Variants in KCNQ1OT1 observed in about 807,000 individuals in gnomAD.
KCNQ1OT1 encodes KCNQ1 opposite strand/antisense transcript 1.
Position 2,673,066 on chromosome 11 carries a change from C to G in KCNQ1OT1, n.26929G>C. 2.5e-6 allele frequency: 1 copy of G among 398,826 alleles called. No individual in the cohort carries two copies. The highest frequency in any genetic ancestry group is 4.4e-6 in the Non-Finnish European group (1 of 226,204). The allele number at this position is 398,826 out of a possible 1,614,324, so 24.7% of individuals were successfully genotyped here. ...TGGCCAAAAGGGACAGTGAAGTTGG[C>G]TTCTCAGGCCACAGTAGGCCTTCAC... On this transcript the variant is annotated non_coding_transcript_exon_variant, in exon 1 of 1. Coordinates refer to ENST00000597346, the Ensembl canonical transcript of KCNQ1OT1. This position sits in a 1 kb window ranked among gnomAD's most constrained non-coding sequence, Gnocchi z 4.5.
rs1849909324 is a variant in KCNQ1OT1 at position 2,659,313 on chromosome 11, G to A, written n.40682C>T. The A allele has an allele frequency of 5.0e-6, 2 of 398,552 alleles. No individual in the cohort carries two copies. Among genetic ancestry groups the A allele is most frequent in the South Asian group, 2.5e-4 (2 of 7,860 alleles). 24.7% of individuals were successfully genotyped at this position (398,552 alleles called of 1,614,324 possible). Reference sequence around the variant, plus strand: ...TATTGATCTGTTTTATGTCCCTGTAGTTTTGTTTTTCTAGAATGTCCTATA... The same window carrying A: ...TATTGATCTGTTTTATGTCCCTGTAATTTTGTTTTTCTAGAATGTCCTATA... On this transcript the variant is annotated non_coding_transcript_exon_variant, in exon 1 of 1. Transcript: ENST00000597346. This position sits in a 1 kb window ranked among gnomAD's most constrained non-coding sequence, Gnocchi z 4.3.
At chr11:2,650,009 G>C in exon 1 of KCNQ1OT1, 1 of 398,158 alleles carries the variant, frequency 2.5e-6, no homozygotes, top group Non-Finnish European at 4.4e-6. Flanking sequence ...AAATCTGTCT[G>C]GTTTATTGCA....
rs1590024180 is a variant in KCNQ1OT1, at chr11:2,674,874, C to T, written n.25121G>A. ...AAAAAAAAAAAAGCTCACTGGGCAC[C>T]TTGGCTGCAGGGTCTGAAAAGTCCT... On this transcript the variant is annotated non_coding_transcript_exon_variant, in exon 1 of 1. Transcript: ENST00000597346. This position sits in a 1 kb window ranked among gnomAD's most constrained non-coding sequence, Gnocchi z 5.9. 1.0e-5 allele frequency: 4 copies of T among 396,496 alleles called. No homozygotes were observed. The highest frequency in any genetic ancestry group is 1.3e-4 in the South Asian group (1 of 7,754). 24.6% of individuals were successfully genotyped at this position (396,496 alleles called of 1,614,324 possible).
exon 1 of KCNQ1OT1, chr11:2,648,981 C>CTTTTTTTTTTTTTT: frequency 6.3e-4 from 198 of 313,656 alleles, no homozygotes; most frequent in Middle Eastern, 2.2e-3. Flanking sequence ...TTTTCTTTTT[C>CTTTTTTTTTTTTTT]TTTTTTTTTT....
rs189157939 is a variant in KCNQ1OT1, at chr11:2,627,465, C to T, written n.72530G>A. The T allele has an allele frequency of 4.0e-5, 16 of 398,494 alleles. No individual in the cohort carries two copies. The East Asian group carries it at 5.3e-4, about 13-fold the overall frequency. 24.7% of individuals were successfully genotyped at this position (398,494 alleles called of 1,614,324 possible). A position where few individuals can be genotyped will look rare whatever the true frequency, so the allele number is the denominator to read the frequency against. ...TCAACATTTCCTATTTCCCCTACTC[C>T]CTGACCCCTAGTAACCACCCTTCTA... is the stretch of plus-strand genomic sequence containing the variant. On this transcript the variant is annotated non_coding_transcript_exon_variant, in exon 1 of 1. Transcript: ENST00000597346. The surrounding 1 kb of genome is among the most constrained non-coding windows in gnomAD (Gnocchi z 4.9).
At chr11:2,666,350 C>G (rs1850067067) in exon 1 of KCNQ1OT1, 1 of 398,638 alleles carries the variant, frequency 2.5e-6, no homozygotes. Context: ...CCCTGGCAAG[C>G]ATGTGCTTGC....
rs1266101114 is a variant in KCNQ1OT1, at chr11:2,626,983, A to G, written n.73012T>C. ...TAACATCATTAGGATTTTTATTGGG[A>G]TTACCTTGGATTTGTAGATTGTTTT... On this transcript the variant is annotated non_coding_transcript_exon_variant, in exon 1 of 1. Coordinates refer to ENST00000597346, the Ensembl canonical transcript of KCNQ1OT1. The surrounding 1 kb of genome is among the most constrained non-coding windows in gnomAD (Gnocchi z 4.0). 6 of 398,380 alleles carry G rather than the reference A, an allele frequency of 1.5e-5. No individual in the cohort carries two copies. Among genetic ancestry groups the G allele is most frequent in the Non-Finnish European group, 2.7e-5 (6 of 226,034 alleles). The allele number at this position is 398,380 out of a possible 1,614,324, so 24.7% of individuals were successfully genotyped here.
Position 2,652,272 on chromosome 11 carries a change from G to A in KCNQ1OT1, n.47723C>T. The stretch of plus-strand genomic sequence containing the variant: ...CCCATTAAACATTCTGAGAACATCT[G>A]CACCGGTTTCCAAGGCTTCTCCCTC... On this transcript the variant is annotated non_coding_transcript_exon_variant, in exon 1 of 1. Transcript: ENST00000597346. This position sits in a 1 kb window ranked among gnomAD's most constrained non-coding sequence, Gnocchi z 5.9. 2.5e-6 allele frequency: 1 copy of A among 398,640 alleles called. No homozygotes were observed. The highest frequency in any genetic ancestry group is 4.4e-6 in the Non-Finnish European group (1 of 226,074). The allele number at this position is 398,640 out of a possible 1,614,324, so 24.7% of individuals were successfully genotyped here. A position where few individuals can be genotyped will look rare whatever the true frequency, so the allele number is the denominator to read the frequency against.
exon 1 of KCNQ1OT1, chr11:2,685,085 T>TC: frequency 5.0e-6 from 2 of 398,660 alleles, no homozygotes; most frequent in Admixed American, 8.8e-5. Flanking sequence ...AATTACAGAT[T>TC]CCAGGGAAGG....
exon 1 of KCNQ1OT1, chr11:2,640,414 T>C (rs1341106851): frequency 1.3e-5 from 5 of 398,516 alleles, no homozygotes; most frequent in African/African-American, 8.2e-5. Flanking sequence ...ACCCCTCAAG[T>C]AGCTGGGACT....
exon 1 of KCNQ1OT1, chr11:2,697,199 T>TTCTAAGA (rs1850691776): frequency 2.5e-6 from 1 of 398,528 alleles, no homozygotes; most frequent in South Asian, 1.3e-4. Context: ...TAGTTTTAAC[T>TTCTAAGA]TCTAAGATGG....
rs928088155 is a variant in KCNQ1OT1 at position 2,616,518 on chromosome 11, A to G, written n.83477T>C. ...ATCCTTCTTCTTTTTCAGTGTGGGC[A>G]TTCACAGCTATAATTTTTCCTCTGA... is the stretch of plus-strand genomic sequence containing the variant. On this transcript the variant is annotated non_coding_transcript_exon_variant, in exon 1 of 1. Transcript: ENST00000597346. The G allele has an allele frequency of 1.2e-4, 46 of 397,822 alleles. No homozygotes were observed. The Admixed American group carries it at 2.0e-3, about 17-fold the overall frequency. The allele number at this position is 397,822 out of a possible 1,614,324, so 24.6% of individuals were successfully genotyped here.
chr11:2,697,816 T>C (rs939246068), exon 1 of KCNQ1OT1: 3 of 398,542 alleles, frequency 7.5e-6, no homozygotes, highest in African/African-American at 6.2e-5. Flanking sequence ...AGGGAAATTC[T>C]TTATAGTTTT....
rs922572423 is a variant in KCNQ1OT1, at chr11:2,690,627, G to A, written n.9368C>T. 1 of 398,564 alleles carries A rather than the reference G, an allele frequency of 2.5e-6. No individual in the cohort carries two copies. Among genetic ancestry groups the A allele is most frequent in the Non-Finnish European group, 4.4e-6 (1 of 226,094 alleles). 24.7% of individuals were successfully genotyped at this position (398,564 alleles called of 1,614,324 possible). A position where few individuals can be genotyped will look rare whatever the true frequency, so the allele number is the denominator to read the frequency against. On this transcript the variant is annotated non_coding_transcript_exon_variant, in exon 1 of 1. Coordinates refer to ENST00000597346, the Ensembl canonical transcript of KCNQ1OT1. The surrounding 1 kb of genome is among the most constrained non-coding windows in gnomAD (Gnocchi z 5.1). Reference sequence around the variant, plus strand: ...CACACATATGTGCATGTTCATATATGTGTCAGAATGCGTATTTGTCAGTGT... The same window carrying A: ...CACACATATGTGCATGTTCATATATATGTCAGAATGCGTATTTGTCAGTGT...
rs1210061499 is a variant in KCNQ1OT1, at chr11:2,624,226, G to A, written n.75769C>T. 1 of 398,432 alleles carries A rather than the reference G, an allele frequency of 2.5e-6. No individual in the cohort carries two copies. Among genetic ancestry groups the A allele is most frequent in the Non-Finnish European group, 4.4e-6 (1 of 226,048 alleles). The allele number at this position is 398,432 out of a possible 1,614,324, so 24.7% of individuals were successfully genotyped here. A position where few individuals can be genotyped will look rare whatever the true frequency, so the allele number is the denominator to read the frequency against. On this transcript the variant is annotated non_coding_transcript_exon_variant, in exon 1 of 1. Transcript: ENST00000597346. This position sits in a 1 kb window ranked among gnomAD's most constrained non-coding sequence, Gnocchi z 4.9. ...GCCATCTGTATATCTTCATTGGTGA[G>A]ATGTCTGTTAAGGTCTTCAGTCCAT...
chr11:2,681,266 T>G, exon 1 of KCNQ1OT1: 1 of 398,542 alleles, frequency 2.5e-6, no homozygotes, highest in East Asian at 3.6e-5. Context: ...AGGAGAGAGC[T>G]TCACTTTCTC....
exon 1 of KCNQ1OT1, chr11:2,633,495 G>A (rs1849398437): frequency 5.0e-6 from 2 of 398,360 alleles, no homozygotes; most frequent in Non-Finnish European, 8.8e-6. Context: ...AGTACTGTTT[G>A]CTTCAGGTCT....
Position 2,627,147 on chromosome 11 carries a change from T to C in KCNQ1OT1, n.72848A>G, listed in dbSNP as rs1367178376. Reference sequence around the variant, plus strand: ...CAAGACTTTCACCTCCTTGGTAAAGTTGGTTCCTAAGTTTGTTATTCTTGA... The same window carrying C: ...CAAGACTTTCACCTCCTTGGTAAAGCTGGTTCCTAAGTTTGTTATTCTTGA... On this transcript the variant is annotated non_coding_transcript_exon_variant, in exon 1 of 1. Transcript: ENST00000597346. This position sits in a 1 kb window ranked among gnomAD's most constrained non-coding sequence, Gnocchi z 4.9. 2 of 398,442 alleles carry C rather than the reference T, an allele frequency of 5.0e-6. No individual in the cohort carries two copies. The highest frequency in any genetic ancestry group is 4.1e-5 in the African/African-American group (2 of 48,632). The allele number at this position is 398,442 out of a possible 1,614,324, so 24.7% of individuals were successfully genotyped here.
At position 2,677,347 on chromosome 11, in the gene KCNQ1OT1, G is replaced by A. The variant is rs1347299413; in HGVS notation, n.22648C>T. 2.5e-6 allele frequency: 1 copy of A among 398,444 alleles called. No homozygotes were observed. Among genetic ancestry groups the A allele is most frequent in the African/African-American group, 2.1e-5 (1 of 48,610 alleles). The allele number at this position is 398,444 out of a possible 1,614,324, so 24.7% of individuals were successfully genotyped here. On this transcript the variant is annotated non_coding_transcript_exon_variant, in exon 1 of 1. Coordinates refer to ENST00000597346, the Ensembl canonical transcript of KCNQ1OT1. This position sits in a 1 kb window ranked among gnomAD's most constrained non-coding sequence, Gnocchi z 4.5. ...CAAATGATTTCTCAAATAGAGACTG[G>A]GCAGAGTAGACCAGTTAGTTAATCA...
Sources: gnomAD v4.1 joint callset for allele counts on GRCh38, gnomAD v4.1.1 for gene constraint, Gnocchi (gnomAD v3.1) non-coding constraint, MANE v1.5 for transcripts, NCBI Gene and HGNC (gene_info 2026-07-23, HGNC 2026-07-21) for gene names.